The following ANP32A variants were observed in gnomAD, a reference collection of about 807,000 sequenced individuals.
ANP32A encodes the protein acidic leucine-rich nuclear phosphoprotein 32 family member A.
ANP32A carries 1 observed loss-of-function variant against 33.9 expected under a neutral mutation model. The ratio of observed to expected loss-of-function variants is 0.03; its 90% CI spans 0.01 to 0.14. The LOEUF is 0.14. Ranked by LOEUF, ANP32A falls within the 10% of genes least tolerant of loss-of-function variation. The probability of loss-of-function intolerance (pLI) is 1.00; values close to 1 mark genes in which losing one functional copy is unlikely to be tolerated. For missense variants in ANP32A, 155 were observed against 306.0 expected (o/e 0.51, Z 3.68); for synonymous variants, 115 against 120.5 (o/e 0.95, Z 0.30).
At chr15:68,800,763 A>AAAG (rs1415610703) in intron 1 of ANP32A, among the ~76,000 whole-genome samples, 2,128 of 150,174 alleles carry the variant, frequency 0.014, 30 homozygotes, top group Non-Finnish European at 0.023. Flanking sequence ...AAAAAGAAAG[A>AAAG]AAAGAAAAGG....
chr15:68,778,776 T>G lies in ANP32A; in HGVS notation c.*1305A>C, dbSNP rs893853851. The G allele has an allele frequency of 6.6e-6, 1 of 152,164 alleles. No homozygotes were observed. The highest frequency in any genetic ancestry group is 2.4e-5 in the African/African-American group (1 of 41,442). 9.4% of individuals were successfully genotyped at this position (152,164 alleles called of 1,614,324 possible). Reference sequence around the variant, plus strand: ...TATCCAAACATAGTATCACATTATATATATCTCATAAGAAAAGCTATTCTA... The same window carrying G: ...TATCCAAACATAGTATCACATTATAGATATCTCATAAGAAAAGCTATTCTA... On this transcript the variant is annotated 3_prime_UTR_variant, in exon 7 of 7. Coordinates refer to ENST00000465139, the MANE Select transcript of ANP32A (RefSeq NM_006305.4).
chr15:68,786,912 C>T (rs527909684), intron 3 of ANP32A, among the ~76,000 whole-genome samples: 8 of 152,302 alleles, frequency 5.3e-5, no homozygotes, highest in South Asian at 4.1e-4. Context: ...CCTGCCTGCA[C>T]GAGGCTCTCA....
intron 4 of ANP32A, 101 bp downstream of exon 4, chr15:68,784,296 G>A: frequency 7.4e-7 from 1 of 1,355,892 alleles, no homozygotes; most frequent in Non-Finnish European, 1.0e-6. Context: ...AGCTGGGTGG[G>A]GGCCTCCCAA....
chr15:68,815,313 T>C (rs1417481409), intron 1 of ANP32A, among the ~76,000 whole-genome samples: 1 of 152,192 alleles, frequency 6.6e-6, no homozygotes, highest in African/African-American at 2.4e-5. Flanking sequence ...AGAGCCAAAA[T>C]TAAGAACACT....
intron 5 of ANP32A, chr15:68,781,622 T>C (rs1173171518): frequency 3.3e-5 from 5 of 151,896 alleles, no homozygotes; most frequent in Non-Finnish European, 5.9e-5. Flanking sequence ...TTTTTTTTTT[T>C]TAACTGAGTC....
intron 3 of ANP32A, among the ~76,000 whole-genome samples, chr15:68,786,135 C>T (rs1460950020): frequency 2.6e-5 from 4 of 152,122 alleles, no homozygotes; most frequent in Non-Finnish European, 5.9e-5. Context: ...AACTCCAGCC[C>T]AATCTGAGGG....
chr15:68,784,991 T>C (rs550426527), intron 3 of ANP32A, among the ~76,000 whole-genome samples: 32 of 152,342 alleles, frequency 2.1e-4, no homozygotes, highest in Admixed American at 1.7e-3. Context: ...AAAAGTCAAC[T>C]TGAACTAACA....
chr15:68,787,280 A>G, intron 3 of ANP32A, 133 bp downstream of exon 3: 1 of 1,306,712 alleles, frequency 7.7e-7, no homozygotes, highest in Non-Finnish European at 1.1e-6. Flanking sequence ...CAATAGCTCA[A>G]TTCTATCTCA....
At chr15:68,807,917 G>C (rs913253312) in intron 1 of ANP32A, among the ~76,000 whole-genome samples, 5 of 152,132 alleles carry the variant, frequency 3.3e-5, no homozygotes, top group Non-Finnish European at 7.3e-5. Flanking sequence ...GTCTTGATCG[G>C]TAATGCCCAC....
intron 1 of ANP32A, among the ~76,000 whole-genome samples, chr15:68,795,306 G>A (rs1399511935): frequency 2.0e-5 from 3 of 152,152 alleles, no homozygotes; most frequent in African/African-American, 4.8e-5. Context: ...AAGCATCCAC[G>A]TCTCTGATTT....
chr15:68,797,502 T>G (rs1248270088), intron 1 of ANP32A, among the ~76,000 whole-genome samples: 1 of 152,134 alleles, frequency 6.6e-6, no homozygotes, highest in Non-Finnish European at 1.5e-5. Flanking sequence ...CATCACATCA[T>G]GTCTCATTAC....
chr15:68,802,326 G>C (rs1894148004), intron 1 of ANP32A, among the ~76,000 whole-genome samples: 1 of 152,082 alleles, frequency 6.6e-6, no homozygotes, highest in South Asian at 2.1e-4. Context: ...AGCAAATTCA[G>C]AATCTTATTT....
chr15:68,818,619 A>AACACAC (rs3084749), intron 1 of ANP32A, among the ~76,000 whole-genome samples: 35 of 151,360 alleles, frequency 2.3e-4, no homozygotes, highest in East Asian at 1.8e-3. Flanking sequence ...TCCCCTCCCC[A>AACACAC]ACACACACAC....
intron 2 of ANP32A, 45 bp downstream of exon 2, chr15:68,787,725 T>TGGC: frequency 1.9e-6 from 3 of 1,597,664 alleles, no homozygotes; most frequent in African/African-American, 1.3e-5. Context: ...CCCTTCCCAC[T>TGGC]CCCCACCCCC....
At chr15:68,793,491 G>C (rs569578401) in intron 1 of ANP32A, among the ~76,000 whole-genome samples, 1 of 152,298 alleles carries the variant, frequency 6.6e-6, no homozygotes, top group East Asian at 1.9e-4. Context: ...TGGCTGAGGA[G>C]ACACGGAAGA....
At chr15:68,815,593 TG>T (rs1894369983) in intron 1 of ANP32A, among the ~76,000 whole-genome samples, 1 of 152,226 alleles carries the variant, frequency 6.6e-6, no homozygotes, top group Admixed American at 6.5e-5. Flanking sequence ...TATAGTTTGG[TG>T]ATTGCTGTGG....
intron 3 of ANP32A, 98 bp from the exon 4 acceptor site, chr15:68,784,693 C>G (rs12442034): frequency 0.081 from 110,374 of 1,356,046 alleles, 6,755 homozygotes; most frequent in East Asian, 0.28. Flanking sequence ...AGATAGCATG[C>G]GCAGACCATG....
At chr15:68,794,171 T>C (rs1381022734) in intron 1 of ANP32A, among the ~76,000 whole-genome samples, 2 of 152,188 alleles carry the variant, frequency 1.3e-5, no homozygotes, top group Non-Finnish European at 2.9e-5. Flanking sequence ...TGCCTTCCCC[T>C]TTTTCCATGG....
chr15:68,812,694 T>C (rs1339673919), intron 1 of ANP32A, among the ~76,000 whole-genome samples: 1 of 152,238 alleles, frequency 6.6e-6, no homozygotes, highest in Non-Finnish European at 1.5e-5. Flanking sequence ...GAAACTAATT[T>C]GTAGGTCCAA....
Sources: allele counts gnomAD v4.1 joint callset (sites outside exome capture counted in the v4.1 genomes callset), GRCh38; gene constraint gnomAD v4.1.1; transcripts MANE v1.5; gene names NCBI Gene and HGNC (gene_info 2026-07-23, HGNC 2026-07-21).